The following HIVEP1 variants were observed in gnomAD, a reference collection of about 807,000 sequenced individuals.
The protein encoded by HIVEP1 is zinc finger protein 40.
A neutral mutation model predicts 180.0 loss-of-function variants in HIVEP1; 36 were observed. The ratio of observed to expected loss-of-function variants is 0.20; its 90% CI spans 0.15 to 0.26. HIVEP1 has a LOEUF of 0.26. Among genes scored for constraint, HIVEP1 ranks in the 10% least tolerant of loss-of-function variants. The pLI is 1.00. For synonymous variants in HIVEP1, 1,239 were observed against 1,239.0 expected, an observed-to-expected ratio of 1.00 and a Z score of 0.00; for missense variants, 3,143 against 3,268.7, an observed-to-expected ratio of 0.96 and a Z score of 0.94.
chr6:12,015,399 T>C (rs1767677145), intron 1 of HIVEP1, 127 bp from the exon 2 acceptor site: 1 of 420,304 alleles, frequency 2.4e-6, no homozygotes, highest in East Asian at 3.7e-5. Flanking sequence ...AGTAATCTTT[T>C]GCAGTGGTGC....
intron 2 of HIVEP1, among the ~76,000 whole-genome samples, chr6:12,017,781 G>C (rs1169536054): frequency 6.6e-6 from 1 of 152,202 alleles, no homozygotes; most frequent in Non-Finnish European, 1.5e-5. Context: ...GCTAGATAAA[G>C]AGTGCTGATT....
In HIVEP1 at chr6:12,124,418, TAAA is replaced by T; in HGVS notation, c.4626_4628del (p.Lys1542del). 1 of 1,614,136 alleles carries T rather than the reference TAAA, an allele frequency of 6.2e-7. No homozygotes were observed. The highest frequency in any genetic ancestry group is 8.5e-7 in the Non-Finnish European group (1 of 1,180,010). ...TGTCTACGCAGGGTAGCAAGCCAGA[TAAA>T]AATTCTGTTTTATCTGGGTCTTCTA... On this transcript the variant is annotated inframe_deletion, in exon 4 of 9. Coordinates refer to ENST00000379388, the MANE Select transcript of HIVEP1 (RefSeq NM_002114.4).
downstream of HIVEP1, among the ~76,000 whole-genome samples, chr6:12,168,160 TAC>T (rs1488303091): frequency 1.0e-4 from 12 of 115,658 alleles, no homozygotes; most frequent in Non-Finnish European, 2.0e-4. Flanking sequence ...TATACAGATA[TAC>T]GTGTATATCT....
intron 2 of HIVEP1, chr6:12,038,288 C>G (rs1769426548): frequency 6.6e-6 from 1 of 151,708 alleles, no homozygotes; most frequent in South Asian, 2.1e-4. Flanking sequence ...TTTTTTAATC[C>G]TGTGTATTTT....
At chr6:12,017,245 C>T (rs931634454) in intron 2 of HIVEP1, among the ~76,000 whole-genome samples, 1 of 152,166 alleles carries the variant, frequency 6.6e-6, no homozygotes, top group Non-Finnish European at 1.5e-5. Flanking sequence ...TTGGTGGGTT[C>T]TTGGTCTCAC....
At position 12,124,428 on chromosome 6, in the gene HIVEP1, G is replaced by C. The variant is rs767002289; in HGVS notation, c.4633G>C (p.Val1545Leu). 1 of 1,613,914 alleles carries C rather than the reference G, an allele frequency of 6.2e-7. No homozygotes were observed. Among genetic ancestry groups the C allele is most frequent in the Non-Finnish European group, 8.5e-7 (1 of 1,179,842 alleles). ...TQGSKPDKNS[V>L]LSGSSKSEDC... Reference sequence around the variant, plus strand: ...GGGTAGCAAGCCAGATAAAAATTCTGTTTTATCTGGGTCTTCTAAAAGTGA... The same window carrying C: ...GGGTAGCAAGCCAGATAAAAATTCTCTTTTATCTGGGTCTTCTAAAAGTGA... The change falls in exon 4 of 9, where the codon GTT becomes CTT. Residue 1545 changes from valine to leucine, a missense_variant. By Grantham distance (32) the Val-to-Leu change is conservative (BLOSUM62 1). This residue lies in a region of HIVEP1 where 1,357 missense variants were observed against 1,260.5 expected (regional missense o/e 1.08). Coordinates refer to ENST00000379388, the MANE Select transcript of HIVEP1 (RefSeq NM_002114.4).
At chr6:12,191,914 C>T in the HIVEP1 span, among the ~76,000 whole-genome samples, 1 of 152,092 alleles carries the variant, frequency 6.6e-6, no homozygotes, top group African/African-American at 2.4e-5. Context: ...TACTTCTATT[C>T]TTCATTTTAT....
chr6:12,128,020 A>T (rs1471006118), intron 4 of HIVEP1, among the ~76,000 whole-genome samples: 1 of 152,212 alleles, frequency 6.6e-6, no homozygotes, highest in Non-Finnish European at 1.5e-5. Flanking sequence ...TAGGCAAAAC[A>T]TGGCATTTTC....
chr6:12,137,586 CT>C (rs1222427074), intron 7 of HIVEP1, among the ~76,000 whole-genome samples: 1 of 146,110 alleles, frequency 6.8e-6, no homozygotes, highest in African/African-American at 2.6e-5. Flanking sequence ...TTTAAAACTA[CT>C]GTATTTGTGG....
intron 3 of HIVEP1, among the ~76,000 whole-genome samples, chr6:12,095,854 A>G (rs1316513168): frequency 1.3e-5 from 2 of 151,980 alleles, no homozygotes; most frequent in Non-Finnish European, 2.9e-5. Flanking sequence ...GTATAACTAG[A>G]TAAGATCTGT....
At chr6:12,084,078 C>G (rs965005069) in intron 2 of HIVEP1, among the ~76,000 whole-genome samples, 3 of 152,054 alleles carry the variant, frequency 2.0e-5, no homozygotes, top group African/African-American at 7.2e-5. Context: ...TAATAAGGTT[C>G]CAGGCCCAGT....
intron 7 of HIVEP1, among the ~76,000 whole-genome samples, chr6:12,144,134 G>A (rs36147437): frequency 1.3e-5 from 2 of 151,940 alleles, no homozygotes; most frequent in African/African-American, 2.4e-5. Flanking sequence ...CAAACTATAC[G>A]ACAAGGCTAC....
intron 3 of HIVEP1, among the ~76,000 whole-genome samples, chr6:12,109,813 C>T (rs1010454669): frequency 6.6e-6 from 1 of 152,224 alleles, no homozygotes; most frequent in African/African-American, 2.4e-5. Context: ...ATAGTGAATC[C>T]TTTCAAGAAG....
chr6:12,129,266 G>A (rs1218065401), intron 4 of HIVEP1, among the ~76,000 whole-genome samples: 2 of 152,096 alleles, frequency 1.3e-5, no homozygotes, highest in African/African-American at 4.8e-5. Context: ...TGGGAAATGG[G>A]GCTTCTGCTT....
chr6:12,076,608 A>G (rs1772367116), intron 2 of HIVEP1, among the ~76,000 whole-genome samples: 1 of 152,194 alleles, frequency 6.6e-6, no homozygotes, highest in Non-Finnish European at 1.5e-5. Context: ...ACATGGCTGA[A>G]GAGCGGAAGA....
chr6:12,063,840 G>A lies in HIVEP1; in HGVS notation c.41-25344G>A, dbSNP rs1448250393. ...TGAGATTCACATATGTTTCTTAGTGGTAAAAATCATTGCATGTCCTAGACC... is the reference window on the plus strand; with the variant it reads ...TGAGATTCACATATGTTTCTTAGTGATAAAAATCATTGCATGTCCTAGACC... On this transcript the variant is annotated intron_variant, in intron 2 of 8. Coordinates refer to ENST00000379388, the MANE Select transcript of HIVEP1 (RefSeq NM_002114.4). This position sits in a 1 kb window ranked among gnomAD's most constrained non-coding sequence, Gnocchi z 4.2. Among the ~76,000 whole-genome samples, 1 of 152,154 alleles carries A rather than the reference G, an allele frequency of 6.6e-6. No individual in the cohort carries two copies. Among genetic ancestry groups the A allele is most frequent in the Non-Finnish European group, 1.5e-5 (1 of 68,030 alleles).
chr6:12,174,480 C>T, the HIVEP1 span, among the ~76,000 whole-genome samples: 1 of 152,136 alleles, frequency 6.6e-6, no homozygotes, highest in Non-Finnish European at 1.5e-5. Flanking sequence ...CTAGTACCCC[C>T]AGGTCAGTGC....
chr6:12,079,129 A>T (rs918803904), intron 2 of HIVEP1, among the ~76,000 whole-genome samples: 3 of 152,202 alleles, frequency 2.0e-5, no homozygotes, highest in Non-Finnish European at 4.4e-5. Flanking sequence ...CAATGTTGTC[A>T]TACTCTAATA....
intron 3 of HIVEP1, among the ~76,000 whole-genome samples, chr6:12,100,699 G>A (rs928446220): frequency 2.0e-5 from 3 of 152,158 alleles, no homozygotes; most frequent in African/African-American, 7.2e-5. Flanking sequence ...CTTCTGCTAA[G>A]TGATTTTCTT....
Sources: allele counts gnomAD v4.1 joint callset (sites outside exome capture counted in the v4.1 genomes callset), GRCh38; gene constraint gnomAD v4.1.1; regional missense constraint gnomAD v4.1.1; non-coding constraint Gnocchi (gnomAD v3.1); transcripts MANE v1.5; gene names NCBI Gene and HGNC (gene_info 2026-07-23, HGNC 2026-07-21).